The following ZFP62 variants were observed in gnomAD, a reference collection of about 807,000 sequenced individuals.
The protein encoded by ZFP62 is ZFP62 zinc finger protein, also known as zinc finger protein 62 homolog.
A neutral mutation model predicts 56.4 loss-of-function variants in ZFP62; 44 were observed. The ratio of observed to expected loss-of-function variants is 0.78; its 90% CI spans 0.61 to 1.00. The LOEUF is 1.00. Among genes scored for constraint, ZFP62 ranks in the 50% least tolerant of loss-of-function variants. ZFP62 has a pLI of 0.00. For synonymous variants in ZFP62, 421 were observed against 388.9 expected, an observed-to-expected ratio of 1.08 and a Z score of -0.97; for missense variants, 1,030 against 1,085.7, an observed-to-expected ratio of 0.95 and a Z score of 0.72.
rs1380329896 is a variant in ZFP62, at chr5:180,849,146, T to C, written c.2349A>G (p.Lys783=). 49 of 1,562,588 alleles carry C rather than the reference T, an allele frequency of 3.1e-5. No homozygotes were observed. Among genetic ancestry groups the C allele is most frequent in the Non-Finnish European group, 4.1e-5 (47 of 1,153,858 alleles). ...TCCCACACTCATCACATTCATAGGG[T>C]TTCTCACCTGTGTGGATCCTTTTAT... ...TVHKRIHTGE[K]PYECDECGKA... The change falls in exon 2 of 2, where the codon AAA becomes AAG. Residue 783 remains lysine, a synonymous_variant. Coordinates refer to ENST00000502412, the MANE Select transcript of ZFP62 (RefSeq NM_001172638.2).
the ZFP62 span, among the ~76,000 whole-genome samples, chr5:180,839,469 T>G: frequency 6.6e-6 from 1 of 152,104 alleles, no homozygotes; most frequent in Non-Finnish European, 1.5e-5. Flanking sequence ...GCAACATGAG[T>G]GGAGCTGGAG....
chr5:180,843,148 T>C (rs1773349319), downstream of ZFP62, among the ~76,000 whole-genome samples: 2 of 151,206 alleles, frequency 1.3e-5, no homozygotes, highest in African/African-American at 4.8e-5. Context: ...TATATGTATA[T>C]ATAATTAAAA....
the ZFP62 span, among the ~76,000 whole-genome samples, chr5:180,842,041 C>T: frequency 1.3e-5 from 2 of 152,032 alleles, no homozygotes; most frequent in East Asian, 1.9e-4. Context: ...AGTGATACTC[C>T]GTCTCCAGAA....
chr5:180,853,816 G>C (rs1355537387), intron 1 of ZFP62, among the ~76,000 whole-genome samples: 1 of 152,186 alleles, frequency 6.6e-6, no homozygotes, highest in African/African-American at 2.4e-5. Context: ...AACAACTTTA[G>C]ATGTATTAAG....
the ZFP62 span, among the ~76,000 whole-genome samples, chr5:180,841,951 C>T: frequency 6.6e-6 from 1 of 152,156 alleles, no homozygotes; most frequent in East Asian, 1.9e-4. Flanking sequence ...ACATGGGAGG[C>T]GTAAGAATTG....
chr5:180,851,656 A>C (rs2113688418), intron 1 of ZFP62, among the ~76,000 whole-genome samples, 163 bp from the exon 2 acceptor site: 1 of 152,382 alleles, frequency 6.6e-6, no homozygotes, highest in South Asian at 2.1e-4. Flanking sequence ...CTAGGGATAC[A>C]ACAATGAATA....
At position 180,850,567 on chromosome 5, in the gene ZFP62, C is replaced by A. The variant is rs755996536; in HGVS notation, c.928G>T (p.Glu310Ter). ...KRIHTGEKPY[E>*]CDECGKAFIT... ...AAGGCCTTCCCACACTCATCACATT[C>A]GTAAGGTTTCTCACCTGTGTGGATC... Residue 310 changes from glutamate to a stop codon, truncating the protein, a stop_gained, in exon 2 of 2, where the codon GAA becomes TAA. Transcript: ENST00000502412. LOFTEE classifies it high-confidence loss of function. 2 of 1,558,058 alleles carry A rather than the reference C, an allele frequency of 1.3e-6. No homozygotes were observed. Among genetic ancestry groups the A allele is most frequent in the African/African-American group, 1.4e-5 (1 of 73,254 alleles).
chr5:180,835,988 G>C, the ZFP62 span, among the ~76,000 whole-genome samples: 5 of 152,112 alleles, frequency 3.3e-5, no homozygotes, highest in African/African-American at 1.2e-4. Context: ...TTATTTTTAC[G>C]GTACCTTTTC....
At chr5:180,861,117 C>A (rs1040744075) in intron 1 of ZFP62, 102 bp downstream of exon 1, 2 of 398,492 alleles carry the variant, frequency 5.0e-6, no homozygotes, top group South Asian at 1.3e-4. Context: ...ACTCCCACAT[C>A]CCGCCCGAGA....
At chr5:180,829,373 T>C in the ZFP62 span, among the ~76,000 whole-genome samples, 1 of 152,258 alleles carries the variant, frequency 6.6e-6, no homozygotes, top group South Asian at 2.1e-4. Context: ...TCTTTGTTCC[T>C]ACTCCCTGTT....
Position 180,848,714 on chromosome 5 carries a change from G to T in ZFP62, c.*78C>A. 6.9e-7 allele frequency: 1 copy of T among 1,447,096 alleles called. No individual in the cohort carries two copies. The highest frequency in any genetic ancestry group is 2.8e-5 in the Admixed American group (1 of 35,260). 89.6% of individuals were successfully genotyped at this position (1,447,096 alleles called of 1,614,324 possible). A position where few individuals can be genotyped will look rare whatever the true frequency, so the allele number is the denominator to read the frequency against. On this transcript the variant is annotated 3_prime_UTR_variant, in exon 2 of 2. Coordinates refer to ENST00000502412, the MANE Select transcript of ZFP62 (RefSeq NM_001172638.2). Reference sequence around the variant, plus strand: ...TTCATTTACACTGTGTAAATTACAAGCCATGACCCCCTACATTCTTACATT... The same window carrying T: ...TTCATTTACACTGTGTAAATTACAATCCATGACCCCCTACATTCTTACATT...
chr5:180,845,705 C>T, downstream of ZFP62: 1 of 985,392 alleles, frequency 1.0e-6, no homozygotes, highest in Non-Finnish European at 1.2e-6. Flanking sequence ...TGGCCAATTA[C>T]TCAAGGTCTT....
the ZFP62 span, among the ~76,000 whole-genome samples, chr5:180,839,801 G>A: frequency 6.6e-6 from 1 of 152,178 alleles, no homozygotes; most frequent in Non-Finnish European, 1.5e-5. Context: ...TGTCCTGACA[G>A]GAAATAAGTG....
the ZFP62 span, among the ~76,000 whole-genome samples, chr5:180,828,143 A>G: frequency 6.6e-6 from 1 of 151,850 alleles, no homozygotes; most frequent in African/African-American, 2.4e-5. Context: ...CTTTCTCTAT[A>G]CTTTGTCTCT....
In ZFP62 at chr5:180,850,701, C is replaced by A. The variant is rs1452168468; in HGVS notation, c.794G>T (p.Ser265Ile). ...CCTTTTGTGGACTCTGAGCCCAGAG[C>A]TGTTCCTGAAGGCCTTCCCACACTC... ...CGECGKAFRN[S>I]SGLRVHKRIH... Residue 265 changes from serine (S) to isoleucine (I), a missense_variant, in exon 2 of 2, where the codon AGC becomes ATC. Transcript: ENST00000502412. 2.5e-6 allele frequency: 4 copies of A among 1,603,686 alleles called. No homozygotes were observed. Among genetic ancestry groups the A allele is most frequent in the Non-Finnish European group, 3.4e-6 (4 of 1,174,910 alleles).
At chr5:180,828,995 G>A in the ZFP62 span, among the ~76,000 whole-genome samples, 49 of 152,324 alleles carry the variant, frequency 3.2e-4, 1 homozygote, top group African/African-American at 1.2e-3. Flanking sequence ...GTCTCCTGCA[G>A]TACCCTCAGC....
chr5:180,835,338 C>CTT, the ZFP62 span: 1 of 152,224 alleles, frequency 6.6e-6, no homozygotes, highest in African/African-American at 2.4e-5. Context: ...CCTTTGGACT[C>CTT]TGACACTTGC....
chr5:180,840,583 C>A, the ZFP62 span, among the ~76,000 whole-genome samples: 1 of 151,898 alleles, frequency 6.6e-6, no homozygotes, highest in African/African-American at 2.4e-5. Flanking sequence ...ACAGTGAAAC[C>A]CCATCTCTAC....
In ZFP62 at chr5:180,850,157, C is replaced by G; in HGVS notation, c.1338G>C (p.Glu446Asp). 1 of 1,551,806 alleles carries G rather than the reference C, an allele frequency of 6.4e-7. No homozygotes were observed. The highest frequency in any genetic ancestry group is 8.7e-7 in the Non-Finnish European group (1 of 1,147,030). The change falls in exon 2 of 2, where the codon GAG (glutamate) becomes GAC (aspartate). Residue 446 changes from glutamate (E) to aspartate (D), a missense_variant. Glu to Asp is a conservative substitution (Grantham distance 45, BLOSUM62 2). Transcript: ENST00000502412. ...CACACACATCACATACATAAGGTCT[C>G]TCTCCGGTATGAATAGTTCTGTGTT... ...LLQHRTIHTG[E>D]RPYVCDVCGK...
Sources: gnomAD v4.1 joint callset for allele counts (sites outside exome capture counted in the v4.1 genomes callset) on GRCh38, gnomAD v4.1.1 for gene constraint, MANE v1.5 for transcripts, NCBI Gene and HGNC (gene_info 2026-07-23, HGNC 2026-07-21) for gene names.